Variants in CTNNA3 observed in about 807,000 individuals in gnomAD.
CTNNA3 encodes catenin alpha-3.
In CTNNA3, 76 loss-of-function variants were observed where a neutral mutation model predicts 95.7. The observed-to-expected ratio is 0.79, with a 90% CI of 0.66 to 0.96. CTNNA3 has a LOEUF of 0.96. Ranked by LOEUF, CTNNA3 falls within the 40% of genes least tolerant of loss-of-function variation. The pLI is 0.00. For missense variants in CTNNA3, 1,191 were observed against 1,089.8 expected (o/e 1.09, Z -1.31); for synonymous variants, 431 against 374.4 (o/e 1.15, Z -1.74).
chr10:67,129,200 T>C (rs1396049985), intron 7 of CTNNA3, among the ~76,000 whole-genome samples: 1 of 152,186 alleles, frequency 6.6e-6, no homozygotes, highest in Non-Finnish European at 1.5e-5. Context: ...CAGTATTTCA[T>C]AATAAAAAAT....
At chr10:66,234,380 T>C (rs552893079) in intron 13 of CTNNA3, among the ~76,000 whole-genome samples, 1 of 152,240 alleles carries the variant, frequency 6.6e-6, no homozygotes, top group Admixed American at 6.5e-5. Flanking sequence ...GATACACACA[T>C]ACACACAGAC....
In CTNNA3 at chr10:66,509,505, T is replaced by C. The variant is rs139194950; in HGVS notation, c.1531+11112A>G. ...TACTAGTTTTATAGTTTCAGTCTGATATTTAATTCTCTAATCCATTTTGAG... is the reference window on the plus strand; with the variant it reads ...TACTAGTTTTATAGTTTCAGTCTGACATTTAATTCTCTAATCCATTTTGAG... On this transcript the variant is annotated intron_variant, in intron 11 of 17. Transcript: ENST00000433211. 4.5e-3 allele frequency among the ~76,000 whole-genome samples: 692 copies of C among 152,168 alleles called. 11 individuals are homozygous for C. The highest frequency in any genetic ancestry group is 0.016 in the African/African-American group (667 of 41,562).
intron 17 of CTNNA3, among the ~76,000 whole-genome samples, chr10:65,948,740 T>C (rs1161504887): frequency 1.3e-5 from 2 of 152,206 alleles, no homozygotes; most frequent in Admixed American, 6.5e-5. Context: ...TTGTTACCAT[T>C]TGTTACCATT....
chr10:66,122,658 G>C (rs1305485521), intron 13 of CTNNA3, among the ~76,000 whole-genome samples: 1 of 152,178 alleles, frequency 6.6e-6, no homozygotes, highest in African/African-American at 2.4e-5. Flanking sequence ...TGCTGATAAA[G>C]ACATACCAAA....
intron 14 of CTNNA3, among the ~76,000 whole-genome samples, chr10:66,087,678 A>G (rs1411885351): frequency 6.6e-6 from 1 of 152,146 alleles, no homozygotes. Context: ...TTTAACAATA[A>G]TCATCAGCAA....
At chr10:67,408,844 A>G (rs2132830783) in intron 5 of CTNNA3, among the ~76,000 whole-genome samples, 1 of 137,944 alleles carries the variant, frequency 7.2e-6, no homozygotes, top group Non-Finnish European at 1.5e-5. Context: ...TATCTGACAA[A>G]GGTCTAATAT....
At chr10:67,669,225 G>A (rs1840387359) in intron 1 of CTNNA3, among the ~76,000 whole-genome samples, 1 of 152,174 alleles carries the variant, frequency 6.6e-6, no homozygotes. Context: ...CTCTGACATA[G>A]GTTAGGTATG....
chr10:66,927,303 C>A lies in CTNNA3; in HGVS notation c.1048-151779G>T. On this transcript the variant is annotated intron_variant, in intron 7 of 17. Transcript: ENST00000433211. The surrounding 1 kb of genome is among the most constrained non-coding windows in gnomAD (Gnocchi z 4.7). The stretch of plus-strand genomic sequence containing the variant: ...TCTCCTATTTTCTTAACAATACCTT[C>A]AGACCTGTGACAAATTTACGGAACT... The A allele has an allele frequency of 6.2e-7, 1 of 1,614,152 alleles. No homozygotes were observed.
At chr10:66,323,979 T>A (rs1489908628) in intron 12 of CTNNA3, among the ~76,000 whole-genome samples, 5 of 151,856 alleles carry the variant, frequency 3.3e-5, no homozygotes, top group Non-Finnish European at 7.4e-5. Context: ...GGGAAGATCA[T>A]CTTTCCACTC....
At chr10:66,052,010 A>G (rs2079969684) in intron 15 of CTNNA3, among the ~76,000 whole-genome samples, 2 of 152,198 alleles carry the variant, frequency 1.3e-5, no homozygotes, top group Admixed American at 1.3e-4. Flanking sequence ...ATAGAAAAAA[A>G]TTTGAAGCCA....
At chr10:66,092,103 T>C (rs2081234587) in intron 14 of CTNNA3, among the ~76,000 whole-genome samples, 1 of 151,896 alleles carries the variant, frequency 6.6e-6, no homozygotes, top group African/African-American at 2.4e-5. Context: ...GAGTTGTCCC[T>C]GACTCCTGTC....
chr10:67,464,086 A>C (rs1847483045), intron 5 of CTNNA3, among the ~76,000 whole-genome samples: 1 of 152,152 alleles, frequency 6.6e-6, no homozygotes, highest in Non-Finnish European at 1.5e-5. Context: ...TATTACCTAA[A>C]ACAAAACATT....
At chr10:66,593,548 TG>T (rs1387207547) in intron 10 of CTNNA3, among the ~76,000 whole-genome samples, 1 of 152,164 alleles carries the variant, frequency 6.6e-6, no homozygotes, top group Admixed American at 6.6e-5. Context: ...ACTCCTGGTC[TG>T]GGGACCACAC....
chr10:66,856,878 T>A (rs1843704426), intron 7 of CTNNA3, among the ~76,000 whole-genome samples: 1 of 152,170 alleles, frequency 6.6e-6, no homozygotes, highest in Admixed American at 6.6e-5. Context: ...TTCAATAGTT[T>A]CTTTTGCTGT....
chr10:66,100,966 G>A (rs190913029), intron 14 of CTNNA3, among the ~76,000 whole-genome samples: 1 of 152,132 alleles, frequency 6.6e-6, no homozygotes, highest in East Asian at 1.9e-4. Flanking sequence ...TAAAAACTGA[G>A]GTGTGTTTAT....
At chr10:66,267,268 G>A (rs7906924) in intron 13 of CTNNA3, among the ~76,000 whole-genome samples, 23,242 of 151,900 alleles carry the variant, frequency 0.15, 1,946 homozygotes, top group East Asian at 0.28. Context: ...GTACACTGGC[G>A]TCCAGGTACC....
intron 14 of CTNNA3, among the ~76,000 whole-genome samples, chr10:66,077,274 G>A (rs1218743481): frequency 6.6e-6 from 1 of 151,632 alleles, no homozygotes; most frequent in African/African-American, 2.4e-5. Flanking sequence ...AGTCTGTATT[G>A]TACTAGTGAT....
At chr10:67,413,737 C>G (rs962236868) in intron 5 of CTNNA3, among the ~76,000 whole-genome samples, 1 of 152,110 alleles carries the variant, frequency 6.6e-6, no homozygotes, top group Non-Finnish European at 1.5e-5. Context: ...AGTATACTCT[C>G]AAACCACAGT....
At chr10:66,075,838 ATT>A (rs5785747) in intron 14 of CTNNA3, among the ~76,000 whole-genome samples, 1 of 148,684 alleles carries the variant, frequency 6.7e-6, no homozygotes, top group African/African-American at 2.5e-5. Context: ...CCTTTCCACA[ATT>A]TTTTTTTTGG....
Sources: gnomAD v4.1 joint callset for allele counts (sites outside exome capture counted in the v4.1 genomes callset) on GRCh38, gnomAD v4.1.1 for gene constraint, Gnocchi (gnomAD v3.1) non-coding constraint, MANE v1.5 for transcripts, NCBI Gene and HGNC (gene_info 2026-07-23, HGNC 2026-07-21) for gene names.